NTNG1: variants seen among roughly 807,000 people sequenced by gnomAD.
NTNG1 encodes netrin-G1.
A neutral mutation model predicts 54.0 loss-of-function variants in NTNG1; 16 were observed. The observed-to-expected ratio is 0.30, with a 90% CI of 0.20 to 0.45. The LOEUF is 0.45. Among genes scored for constraint, NTNG1 ranks in the 20% least tolerant of loss-of-function variants. The probability of loss-of-function intolerance (pLI) is 1.00; values close to 1 mark genes in which losing one functional copy is unlikely to be tolerated. For missense variants in NTNG1, 530 were observed against 678.7 expected (o/e 0.78, Z 2.43); for synonymous variants, 255 against 263.1 (o/e 0.97, Z 0.30).
At chr1:107,389,452 G>C (rs918769855) in intron 3 of NTNG1, among the ~76,000 whole-genome samples, 2 of 152,158 alleles carry the variant, frequency 1.3e-5, no homozygotes, top group African/African-American at 4.8e-5. Flanking sequence ...AGACGGTATA[G>C]GTTTTTCATA....
At chr1:107,180,491 T>C (rs935197373) in intron 2 of NTNG1, among the ~76,000 whole-genome samples, 6 of 152,218 alleles carry the variant, frequency 3.9e-5, no homozygotes, top group African/African-American at 1.4e-4. Flanking sequence ...AAAGCAATTT[T>C]ATGTTTTCTA....
At chr1:107,314,439 A>T (rs1157029950) in intron 2 of NTNG1, among the ~76,000 whole-genome samples, 3 of 70,206 alleles carry the variant, frequency 4.3e-5, no homozygotes, top group African/African-American at 1.6e-4. Flanking sequence ...AAATAAATAA[A>T]TAAATAAAAA....
chr1:107,200,000 G>A lies in NTNG1; in HGVS notation c.246+51161G>A, dbSNP rs192007682. Reference sequence around the variant, plus strand: ...TTCAGCACCAGTTTTTGATCTTCATGGAATCATGGGGTTTTCTCTCAATTT... The same window carrying A: ...TTCAGCACCAGTTTTTGATCTTCATAGAATCATGGGGTTTTCTCTCAATTT... On this transcript the variant is annotated intron_variant, in intron 2 of 7. Coordinates refer to ENST00000370068, the MANE Select transcript of NTNG1 (RefSeq NM_001113226.3). 1.7e-3 allele frequency among the ~76,000 whole-genome samples: 254 copies of A among 151,894 alleles called. 1 individual carries two copies. The highest frequency in any genetic ancestry group is 3.2e-3 in the Non-Finnish European group (216 of 67,832).
intron 4 of NTNG1, among the ~76,000 whole-genome samples, chr1:107,396,466 G>T (rs1335732065): frequency 1.3e-5 from 2 of 152,116 alleles, no homozygotes; most frequent in Admixed American, 6.6e-5. Flanking sequence ...CTTTGTAAGG[G>T]TATTCAGTTG....
intron 2 of NTNG1, among the ~76,000 whole-genome samples, chr1:107,203,536 T>G (rs1658924079): frequency 6.6e-6 from 1 of 150,400 alleles, no homozygotes; most frequent in South Asian, 2.1e-4. Flanking sequence ...TAGTTATATG[T>G]ATAGTTATTC....
At chr1:107,391,162 T>C (rs1195681771) in intron 3 of NTNG1, among the ~76,000 whole-genome samples, 1 of 152,062 alleles carries the variant, frequency 6.6e-6, no homozygotes, top group Non-Finnish European at 1.5e-5. Flanking sequence ...GAACTAAGTG[T>C]AGAGTTAGGA....
chr1:107,464,916 G>A (rs1313026796), intron 7 of NTNG1, among the ~76,000 whole-genome samples: 1 of 152,108 alleles, frequency 6.6e-6, no homozygotes, highest in East Asian at 1.9e-4. Flanking sequence ...CACAGGGAAG[G>A]ATGGGCCCCA....
At chr1:107,281,884 T>C (rs1424062841) in intron 2 of NTNG1, among the ~76,000 whole-genome samples, 1 of 152,174 alleles carries the variant, frequency 6.6e-6, no homozygotes, top group East Asian at 1.9e-4. Flanking sequence ...GACTCACATT[T>C]TGTCAAAAAA....
intron 2 of NTNG1, among the ~76,000 whole-genome samples, chr1:107,226,499 C>T (rs1050023850): frequency 3.9e-5 from 6 of 152,014 alleles, no homozygotes; most frequent in Non-Finnish European, 7.4e-5. Flanking sequence ...CCAGGGCAAT[C>T]GCATGCAGAC....
chr1:107,235,579 A>G (rs1661351384), intron 2 of NTNG1, among the ~76,000 whole-genome samples: 1 of 152,196 alleles, frequency 6.6e-6, no homozygotes, highest in South Asian at 2.1e-4. Flanking sequence ...TGAAGCTTCC[A>G]TCATTGCTGT....
intron 7 of NTNG1, among the ~76,000 whole-genome samples, chr1:107,478,647 G>C (rs1678492216): frequency 1.3e-5 from 2 of 152,146 alleles, no homozygotes; most frequent in African/African-American, 4.8e-5. Context: ...TACCTCTAGT[G>C]CCCAAATGAA....
At chr1:107,358,426 T>C (rs1048179993) in intron 3 of NTNG1, among the ~76,000 whole-genome samples, 5 of 152,014 alleles carry the variant, frequency 3.3e-5, no homozygotes, top group Non-Finnish European at 7.4e-5. Context: ...GCACATAGAT[T>C]TGGTCACGAG....
chr1:107,233,262 T>C (rs1403621053), intron 2 of NTNG1, among the ~76,000 whole-genome samples: 1 of 152,204 alleles, frequency 6.6e-6, no homozygotes, highest in Non-Finnish European at 1.5e-5. Context: ...TTTTAAGCAT[T>C]CACATTTCTC....
At chr1:107,378,055 C>G (rs1360413140) in intron 3 of NTNG1, among the ~76,000 whole-genome samples, 1 of 152,146 alleles carries the variant, frequency 6.6e-6, no homozygotes. Flanking sequence ...ACATTTTTAC[C>G]AAATAAATGT....
chr1:107,432,482 A>T (rs145385953), intron 6 of NTNG1, among the ~76,000 whole-genome samples: 65 of 152,334 alleles, frequency 4.3e-4, no homozygotes, highest in Non-Finnish European at 7.3e-4. Context: ...GACAGCAGCA[A>T]TTCCACTCTG....
At chr1:107,312,579 C>A (rs1471064944) in intron 2 of NTNG1, among the ~76,000 whole-genome samples, 1 of 152,152 alleles carries the variant, frequency 6.6e-6, no homozygotes, top group Non-Finnish European at 1.5e-5. Context: ...TGCCTCTTAA[C>A]AAACACTATA....
intron 2 of NTNG1, among the ~76,000 whole-genome samples, chr1:107,163,860 T>C (rs1273278697): frequency 6.6e-6 from 1 of 152,198 alleles, no homozygotes; most frequent in East Asian, 1.9e-4. Context: ...GCTCAATATG[T>C]TGGCTCTCAT....
intron 3 of NTNG1, among the ~76,000 whole-genome samples, chr1:107,361,641 G>C (rs993312689): frequency 2.0e-5 from 3 of 151,670 alleles, no homozygotes; most frequent in African/African-American, 7.3e-5. Flanking sequence ...ACCCGCCTCG[G>C]CCTCCCAAAG....
intron 7 of NTNG1, among the ~76,000 whole-genome samples, chr1:107,476,921 G>A (rs1678369702): frequency 6.6e-6 from 1 of 152,208 alleles, no homozygotes; most frequent in Non-Finnish European, 1.5e-5. Context: ...GCTTCAGGCA[G>A]AAAACTGAAA....
Sources: gnomAD v4.1 joint callset for allele counts (sites outside exome capture counted in the v4.1 genomes callset) on GRCh38, gnomAD v4.1.1 for gene constraint, MANE v1.5 for transcripts, NCBI Gene and HGNC (gene_info 2026-07-23, HGNC 2026-07-21) for gene names.